The following RGS18 variants were observed in gnomAD, a reference collection of about 807,000 sequenced individuals.
The protein encoded by RGS18 is regulator of G-protein signaling 18.
Under a neutral mutation model 27.6 loss-of-function variants are expected in RGS18, and 22 were observed. The ratio of observed to expected loss-of-function variants is 0.80; its 90% CI spans 0.57 to 1.14. The LOEUF (loss-of-function observed/expected upper bound fraction) is 1.14, where lower values mean the gene tolerates loss of function less well. Ranked by LOEUF, RGS18 falls within the 50% of genes most tolerant of loss-of-function variation. RGS18 has a pLI of 0.00. For synonymous variants in RGS18, 89 were observed against 84.6 expected (o/e 1.05, Z -0.29); for missense variants, 299 against 269.6 (o/e 1.11, Z -0.76).
chr1:192,163,303 C>T lies in RGS18; in HGVS notation c.283+2864C>T, dbSNP rs150511449. On this transcript the variant is annotated intron_variant, in intron 3 of 4. Transcript: ENST00000367460. ...AGTCTAGTTACAACTGGATGATGAT[C>T]AATTAGAGGGTGAAAATTTCAATTG... 2.0e-5 allele frequency: 3 copies of T among 152,112 alleles called. No homozygotes were observed. In the East Asian group the frequency reaches 5.8e-4, roughly 29 times the overall value. 9.4% of individuals were successfully genotyped at this position (152,112 alleles called of 1,614,324 possible).
chr1:192,177,905 A>G (rs1198781048), intron 3 of RGS18, among the ~76,000 whole-genome samples: 1 of 151,718 alleles, frequency 6.6e-6, no homozygotes. Flanking sequence ...GAATCATAAT[A>G]AAATTTGTAC....
intron 3 of RGS18, chr1:192,163,413 T>C (rs914512424): frequency 3.9e-5 from 6 of 152,140 alleles, no homozygotes; most frequent in Admixed American, 1.3e-4. Flanking sequence ...ATTCAAAGCA[T>C]AGAAAGATTT....
chr1:192,172,119 C>T (rs909807724), intron 3 of RGS18, among the ~76,000 whole-genome samples: 1 of 151,972 alleles, frequency 6.6e-6, no homozygotes, highest in East Asian at 1.9e-4. Flanking sequence ...CCCACTGCTA[C>T]GGTTTGGATG....
At chr1:192,164,288 A>G (rs1656124863) in intron 3 of RGS18, among the ~76,000 whole-genome samples, 1 of 152,170 alleles carries the variant, frequency 6.6e-6, no homozygotes, top group Non-Finnish European at 1.5e-5. Context: ...GTTAAACAAT[A>G]TAATTTAGTT....
chr1:192,170,326 T>C (rs576940938), intron 3 of RGS18, among the ~76,000 whole-genome samples: 21 of 152,276 alleles, frequency 1.4e-4, no homozygotes, highest in Admixed American at 1.0e-3. Context: ...TGAATGGCTT[T>C]GTACTGTCTT....
intron 3 of RGS18, among the ~76,000 whole-genome samples, chr1:192,165,131 G>A (rs186838899): frequency 7.3e-4 from 111 of 152,144 alleles, no homozygotes; most frequent in African/African-American, 1.8e-3. Flanking sequence ...TGGATTCCCC[G>A]GGGAGGCCTC....
Position 192,160,412 on chromosome 1 carries a change from T to G in RGS18, c.256T>G (p.Ser86Ala). ...SPEEAVKWGE[S>A]FDKLLSHRDG... Reference sequence around the variant, plus strand: ...TGAAGAGGCAGTGAAATGGGGTGAATCATTTGACAAACTGCTTTCCCATAG... The same window carrying G: ...TGAAGAGGCAGTGAAATGGGGTGAAGCATTTGACAAACTGCTTTCCCATAG... The change falls in exon 3 of 5, where the codon TCA becomes GCA. Residue 86 changes from serine to alanine, a missense_variant. Transcript: ENST00000367460. The G allele has an allele frequency of 1.2e-6, 2 of 1,612,554 alleles. No homozygotes were observed. The highest frequency in any genetic ancestry group is 1.7e-6 in the Non-Finnish European group (2 of 1,178,754).
At chr1:192,161,172 A>T (rs1180635812) in intron 3 of RGS18, among the ~76,000 whole-genome samples, 1 of 152,204 alleles carries the variant, frequency 6.6e-6, no homozygotes, top group East Asian at 1.9e-4. Flanking sequence ...TTTTAAAAAA[A>T]ATTTATAAAT....
chr1:192,175,500 G>C (rs1449389059), intron 3 of RGS18, among the ~76,000 whole-genome samples: 5 of 151,736 alleles, frequency 3.3e-5, no homozygotes, highest in Non-Finnish European at 5.9e-5. Context: ...AATTGTCTTA[G>C]TATGAGGACA....
At chr1:192,159,110 G>A in intron 1 of RGS18, 110 bp from the exon 2 acceptor site, 1 of 677,576 alleles carries the variant, frequency 1.5e-6, no homozygotes, top group Non-Finnish European at 2.7e-6. Flanking sequence ...ATGAGTGTGT[G>A]GGTATGGGTG....
At position 192,158,714 on chromosome 1, in the gene RGS18, A is replaced by G. The variant is rs1184729436; in HGVS notation, c.77A>G (p.His26Arg). The G allele has an allele frequency of 1.3e-6, 2 of 1,579,900 alleles. No homozygotes were observed. Among genetic ancestry groups the G allele is most frequent in the Non-Finnish European group, 1.7e-6 (2 of 1,167,332 alleles). ...GAAAAAACTTTTTTCAAGTTAATAC[A>G]TGGTTCAGGAAAAGAAGAAACAAGC... Reference protein sequence around the residue: ...SKEKTFFKLIHGSGKEETSKE... With the variant: ...SKEKTFFKLIRGSGKEETSKE... The change falls in exon 1 of 5, where the codon CAT (histidine) becomes CGT (arginine). Residue 26 changes from histidine (H) to arginine (R), a missense_variant. By Grantham distance (29) the His-to-Arg change is conservative. Coordinates refer to ENST00000367460, the MANE Select transcript of RGS18 (RefSeq NM_130782.3).
rs1656525526 is a variant in RGS18 at position 192,185,079 on chromosome 1, T to C, written c.*525T>C. The C allele has an allele frequency of 6.5e-6, 1 of 153,958 alleles. No homozygotes were observed. Among genetic ancestry groups the C allele is most frequent in the African/African-American group, 2.4e-5 (1 of 41,370 alleles). The allele number at this position is 153,958 out of a possible 1,614,324, so 9.5% of individuals were successfully genotyped here. On this transcript the variant is annotated 3_prime_UTR_variant, in exon 5 of 5. Coordinates refer to ENST00000367460, the MANE Select transcript of RGS18 (RefSeq NM_130782.3). ...TTTATTATTGGGTTACTACTAACCC[T>C]GTCCCAAGAATAGTAATATCACCTC...
At chr1:192,177,205 A>G (rs1656372949) in intron 3 of RGS18, among the ~76,000 whole-genome samples, 1 of 151,902 alleles carries the variant, frequency 6.6e-6, no homozygotes, top group Middle Eastern at 3.4e-3. Flanking sequence ...TAAATAAATT[A>G]GTATATTTTT....
chr1:192,164,516 A>T (rs1479686588), intron 3 of RGS18, among the ~76,000 whole-genome samples: 1 of 152,204 alleles, frequency 6.6e-6, no homozygotes, highest in Non-Finnish European at 1.5e-5. Flanking sequence ...TTAAAAAAAA[A>T]ATGAGTAAAT....
intron 3 of RGS18, among the ~76,000 whole-genome samples, chr1:192,179,461 GATAA>G (rs1176241730): frequency 4.6e-5 from 7 of 151,304 alleles, no homozygotes; most frequent in Non-Finnish European, 1.0e-4. Flanking sequence ...ATTTATTCCA[GATAA>G]ATAAAGACTT....
chr1:192,165,746 G>A (rs1339391261), intron 3 of RGS18, among the ~76,000 whole-genome samples: 2 of 152,126 alleles, frequency 1.3e-5, no homozygotes, highest in Admixed American at 1.3e-4. Flanking sequence ...TCTCAGTAAT[G>A]TTACATAGTA....
At position 192,184,527 on chromosome 1, in the gene RGS18, A is replaced by G. The variant is rs913784066; in HGVS notation, c.681A>G (p.Val227=). The part of the protein sequence containing the change: ...RSFTCNEFQD[V]QSDVAIWL ...TTACCTGCAATGAATTCCAAGATGT[A>G]CAATCAGATGTTGCCATTTGGTTAT... The change falls in exon 5 of 5, where the codon GTA becomes GTG. Residue 227 remains valine, a synonymous_variant. Coordinates refer to ENST00000367460, the MANE Select transcript of RGS18 (RefSeq NM_130782.3). 1.2e-6 allele frequency: 2 copies of G among 1,611,374 alleles called. No individual in the cohort carries two copies. The highest frequency in any genetic ancestry group is 1.7e-6 in the Non-Finnish European group (2 of 1,178,302).
rs1656378931 is a variant in RGS18, at chr1:192,177,586, C to T, written c.284-3706C>T. On this transcript the variant is annotated intron_variant, in intron 3 of 4. Transcript: ENST00000367460. ...CTGCAGTACAATATTTTAAGTTTAC[C>T]CGGCACAGTAGAAGGCCATATATGA... is the stretch of plus-strand genomic sequence containing the variant. Among the ~76,000 whole-genome samples, 3 of 151,570 alleles carry T rather than the reference C, an allele frequency of 2.0e-5. No homozygotes were observed. The South Asian group carries it at 6.2e-4, about 31-fold the overall frequency.
At chr1:192,177,326 T>C (rs1490752443) in intron 3 of RGS18, among the ~76,000 whole-genome samples, 2 of 151,568 alleles carry the variant, frequency 1.3e-5, no homozygotes, top group African/African-American at 4.8e-5. Flanking sequence ...ATATGATAGG[T>C]CTGATATTTC....
Sources: allele counts gnomAD v4.1 joint callset (sites outside exome capture counted in the v4.1 genomes callset), GRCh38; gene constraint gnomAD v4.1.1; transcripts MANE v1.5; gene names NCBI Gene and HGNC (gene_info 2026-07-23, HGNC 2026-07-21).